Variants in SMAD3 observed in about 807,000 individuals in gnomAD.
SMAD3 encodes SMAD family member 3, also known as MAD homolog 3.
A neutral mutation model predicts 51.8 loss-of-function variants in SMAD3; 12 were observed. The observed-to-expected ratio is 0.23, with a 90% confidence interval of 0.15 to 0.38. The LOEUF is 0.38. Ranked by LOEUF, SMAD3 falls within the 10% of genes least tolerant of loss-of-function variation. SMAD3 has a pLI of 1.00. For missense variants in SMAD3, 294 were observed against 565.6 expected, an observed-to-expected ratio of 0.52 and a Z score of 4.87; for synonymous variants, 238 against 227.7, an observed-to-expected ratio of 1.05 and a Z score of -0.41.
At chr15:67,132,794 A>C (rs1395826637) in intron 1 of SMAD3, among the ~76,000 whole-genome samples, 1 of 152,200 alleles carries the variant, frequency 6.6e-6, no homozygotes, top group African/African-American at 2.4e-5. Flanking sequence ...TTTTATCATT[A>C]GCAAGCTGCC....
chr15:67,139,990 C>A (rs1961775421), intron 1 of SMAD3, among the ~76,000 whole-genome samples: 1 of 152,010 alleles, frequency 6.6e-6, no homozygotes, highest in African/African-American at 2.4e-5. Flanking sequence ...GGTGTGGTGG[C>A]ACATGCCTGT....
rs58255931 is a variant in SMAD3, at chr15:67,113,096, T to TATATATATATATATATATATA, written c.206+46736_206+46737insATATATATATATATATATATA. ...TATGTGTATATATATATATATATATTTTTTTGAGACAGAGTCTTGCTCTGT... is the reference window on the plus strand; with the variant it reads ...TATGTGTATATATATATATATATATTATATATATATATATATATATATTTTTGAGACAGAGTCTTGCTCTGT... On this transcript the variant is annotated intron_variant, in intron 1 of 8. Transcript: ENST00000327367. Among the ~76,000 whole-genome samples the TATATATATATATATATATATA allele has an allele frequency of 5.9e-3, 510 of 86,804 alleles. 33 individuals are homozygous for TATATATATATATATATATATA. The highest frequency in any genetic ancestry group is 7.3e-3 in the Non-Finnish European group (371 of 50,510). The allele number at this position is 86,804 out of a possible 152,430, so 56.9% of individuals were successfully genotyped here.
At position 67,112,935 on chromosome 15, in the gene SMAD3, A is replaced by G. The variant is rs904397847; in HGVS notation, c.206+46575A>G. On this transcript the variant is annotated intron_variant, in intron 1 of 8. Coordinates refer to ENST00000327367, the MANE Select transcript of SMAD3 (RefSeq NM_005902.4). ...GTGAATTGTCTTGGCACCCTTGTAG[A>G]AAATCATTTGACTGTAAATGTAAAG... Among the ~76,000 whole-genome samples the G allele has an allele frequency of 1.1e-4, 14 of 130,406 alleles. 3 individuals are homozygous for G. Among genetic ancestry groups the G allele is most frequent in the African/African-American group, 4.3e-4 (14 of 32,742 alleles). The allele number at this position is 130,406 out of a possible 152,430, so 85.6% of individuals were successfully genotyped here.
Position 67,191,729 on chromosome 15 carries a change from T to C in SMAD3, c.*1193T>C, listed in dbSNP as rs1201850004. The stretch of plus-strand genomic sequence containing the variant: ...AGAAGGGAAACATCTCAGGCCAACA[T>C]AGGCAAATGAAAAGGGCTATTAAAA... On this transcript the variant is annotated 3_prime_UTR_variant, in exon 9 of 9. Transcript: ENST00000327367. The C allele has an allele frequency of 4.3e-6, 1 of 230,840 alleles. No individual in the cohort carries two copies. Among genetic ancestry groups the C allele is most frequent in the Non-Finnish European group, 8.6e-6 (1 of 116,598 alleles). The allele number at this position is 230,840 out of a possible 1,614,324, so 14.3% of individuals were successfully genotyped here. A position where few individuals can be genotyped will look rare whatever the true frequency, so the allele number is the denominator to read the frequency against.
intron 8 of SMAD3, among the ~76,000 whole-genome samples, chr15:67,187,984 C>T (rs1420170750): frequency 6.6e-6 from 1 of 152,004 alleles, no homozygotes; most frequent in African/African-American, 2.4e-5. Flanking sequence ...TCCTCTGTTG[C>T]TCCATTTCTG....
At chr15:67,188,594 C>T (rs183567565) in intron 8 of SMAD3, among the ~76,000 whole-genome samples, 195 of 152,330 alleles carry the variant, frequency 1.3e-3, no homozygotes, top group African/African-American at 3.8e-3. Flanking sequence ...TGTGTGCCCC[C>T]GCCTTCTGCT....
Position 67,164,982 on chromosome 15 carries a change from C to T in SMAD3, c.294C>T (p.His98=), listed in dbSNP as rs781320332. Residue 98 remains histidine (H), a synonymous_variant, in exon 2 of 9, where the codon CAC becomes CAT. Transcript: ENST00000327367. ...YCRLWRWPDL[H]SHHELRAMEL... is the part of the protein sequence containing the mutation. ...GCCTGTGGCGATGGCCAGACCTGCA[C>T]AGCCACCACGAGCTACGGGCCATGG... 16 of 1,613,976 alleles carry T rather than the reference C, an allele frequency of 9.9e-6. No homozygotes were observed. The highest frequency in any genetic ancestry group is 1.2e-5 in the Non-Finnish European group (14 of 1,180,038).
At chr15:67,089,811 C>T (rs772270046) in intron 1 of SMAD3, among the ~76,000 whole-genome samples, 9 of 152,194 alleles carry the variant, frequency 5.9e-5, no homozygotes, top group Middle Eastern at 3.2e-3. Context: ...GATGAGCAGG[C>T]GCAGACTTGG....
chr15:67,069,039 A>G (rs1356432148), intron 1 of SMAD3, among the ~76,000 whole-genome samples: 1 of 152,170 alleles, frequency 6.6e-6, no homozygotes, highest in African/African-American at 2.4e-5. Context: ...AGGAGCCCTC[A>G]GTCTAAGGAG....
At chr15:67,138,008 A>T (rs1216482918) in intron 1 of SMAD3, 1 of 1,545,354 alleles carries the variant, frequency 6.5e-7, no homozygotes, top group Admixed American at 2.0e-5. Context: ...CGTCCCTGTG[A>T]CCTCCCAACT....
chr15:67,102,247 A>AGTGTGTGTGTGTGTGT lies in SMAD3; in HGVS notation c.206+35893_206+35908dup, dbSNP rs56983970. 9.0e-3 allele frequency among the ~76,000 whole-genome samples: 1,347 copies of AGTGTGTGTGTGTGTGT among 149,178 alleles called. 14 individuals are homozygous for AGTGTGTGTGTGTGTGT. The highest frequency in any genetic ancestry group is 9.2e-3 in the Non-Finnish European group (624 of 67,480). ...TCAGTCTTGGGGGAAATGCTGTGAA[A>AGTGTGTGTGTGTGTGT]GTGTGTGTGTGTGTGTGTGTGCGGT... On this transcript the variant is annotated intron_variant, in intron 1 of 8. Transcript: ENST00000327367.
intron 3 of SMAD3, chr15:67,166,565 C>T (rs1359772715): frequency 7.9e-6 from 5 of 630,980 alleles, no homozygotes; most frequent in Admixed American, 7.0e-5. Context: ...TCCGGTCCTG[C>T]GTGAGCAAAG....
Position 67,142,199 on chromosome 15 carries a change from A to ACCCCC in SMAD3, c.207-22692_207-22688dup, listed in dbSNP as rs549870512. 6.1e-3 allele frequency among the ~76,000 whole-genome samples: 774 copies of ACCCCC among 127,718 alleles called. 9 individuals are homozygous for ACCCCC. The highest frequency in any genetic ancestry group is 0.022 in the East Asian group (88 of 4,090). 83.8% of individuals were successfully genotyped at this position (127,718 alleles called of 152,430 possible). A position where few individuals can be genotyped will look rare whatever the true frequency, so the allele number is the denominator to read the frequency against. On this transcript the variant is annotated intron_variant, in intron 1 of 8. Coordinates refer to ENST00000327367, the MANE Select transcript of SMAD3 (RefSeq NM_005902.4). Reference sequence around the variant, plus strand: ...ATTCTTTTGTGTGTCTCCTCCCCACACCCCCCCCACCATTGTTTCTAGAAC... The same window carrying ACCCCC: ...ATTCTTTTGTGTGTCTCCTCCCCACACCCCCCCCCCCCCACCATTGTTTCTAGAAC...
In SMAD3 at chr15:67,142,801, G is replaced by A. The variant is rs76938664; in HGVS notation, c.207-22094G>A. 5.7e-3 allele frequency: 2,581 copies of A among 449,310 alleles called. 60 individuals are homozygous for A. The highest frequency in any genetic ancestry group is 0.047 in the African/African-American group (2,333 of 49,826). The allele number at this position is 449,310 out of a possible 1,614,324, so 27.8% of individuals were successfully genotyped here. A position where few individuals can be genotyped will look rare whatever the true frequency, so the allele number is the denominator to read the frequency against. On this transcript the variant is annotated intron_variant, in intron 1 of 8. Transcript: ENST00000327367. The stretch of plus-strand genomic sequence containing the variant: ...AAAAGAGCTTGTGAAATAGGCTTGT[G>A]ATGTTTGTGATAAGGGCCCTGTGGG...
At chr15:67,085,490 A>G (rs992148489) in intron 1 of SMAD3, among the ~76,000 whole-genome samples, 6 of 152,222 alleles carry the variant, frequency 3.9e-5, no homozygotes, top group African/African-American at 1.4e-4. Context: ...GAATCACTGT[A>G]TAGTCAACTC....
intron 1 of SMAD3, among the ~76,000 whole-genome samples, chr15:67,076,590 G>A (rs1960175247): frequency 6.6e-6 from 1 of 152,172 alleles, no homozygotes; most frequent in African/African-American, 2.4e-5. Flanking sequence ...CTATACCCTT[G>A]ACTGCCCTCA....
intron 1 of SMAD3, among the ~76,000 whole-genome samples, chr15:67,146,570 C>T (rs903087453): frequency 1.3e-5 from 2 of 151,978 alleles, no homozygotes; most frequent in African/African-American, 2.4e-5. Flanking sequence ...GGATGGGGAG[C>T]GGGGAGGGAC....
chr15:67,069,776 A>G (rs1960010963), intron 1 of SMAD3, among the ~76,000 whole-genome samples: 1 of 151,900 alleles, frequency 6.6e-6, no homozygotes, highest in Admixed American at 6.6e-5. Flanking sequence ...GCATGATCTT[A>G]GCTCACTGCA....
In SMAD3 at chr15:67,190,855, A is replaced by T. The variant is rs1963344580; in HGVS notation, c.*319A>T. 2.3e-6 allele frequency: 1 copy of T among 431,720 alleles called. No individual in the cohort carries two copies. Among genetic ancestry groups the T allele is most frequent in the Non-Finnish European group, 4.3e-6 (1 of 233,434 alleles). 26.7% of individuals were successfully genotyped at this position (431,720 alleles called of 1,614,324 possible). On this transcript the variant is annotated 3_prime_UTR_variant, in exon 9 of 9. Transcript: ENST00000327367. ...CCCCTCCCCCCAGACTCTTTTTTTG[A>T]GTGACAGCTTTCTGGGATGTCACAG...
Sources: allele counts gnomAD v4.1 joint callset (sites outside exome capture counted in the v4.1 genomes callset), GRCh38; gene constraint gnomAD v4.1.1; transcripts MANE v1.5; gene names NCBI Gene and HGNC (gene_info 2026-07-23, HGNC 2026-07-21).